SPTAN1: variants seen among roughly 807,000 people sequenced by gnomAD.
SPTAN1 encodes the protein spectrin alpha chain, non-erythrocytic 1.
SPTAN1 carries 61 observed loss-of-function variants against 331.3 expected under a neutral mutation model. The ratio of observed to expected loss-of-function variants is 0.18; its 90% CI spans 0.15 to 0.23. SPTAN1 has a LOEUF of 0.23. SPTAN1 is among the 10% of genes least tolerant of loss of function. SPTAN1 has a pLI of 1.00. For synonymous variants in SPTAN1, 1,153 were observed against 1,173.9 expected, an observed-to-expected ratio of 0.98 and a Z score of 0.36; for missense variants, 2,043 against 3,147.9, an observed-to-expected ratio of 0.65 and a Z score of 8.40.
intron 12 of SPTAN1, 30 bp downstream of exon 12, chr9:128,581,922 A>G (rs1424508157): frequency 1.4e-6 from 2 of 1,480,476 alleles, no homozygotes; most frequent in Non-Finnish European, 1.9e-6. Flanking sequence ...GTGCTTTCAA[A>G]TGACCCTTAT....
At chr9:128,631,250 G>C (rs1199635516) in intron 52 of SPTAN1, among the ~76,000 whole-genome samples, 1 of 149,606 alleles carries the variant, frequency 6.7e-6, no homozygotes, top group Non-Finnish European at 1.5e-5. Flanking sequence ...TTGAAGTCAG[G>C]AGTTCGAGAC....
intron 28 of SPTAN1, 55 bp downstream of exon 28, chr9:128,603,645 C>A: frequency 6.3e-7 from 1 of 1,594,424 alleles, no homozygotes; most frequent in Non-Finnish European, 8.6e-7. Flanking sequence ...CACTATCTTC[C>A]TTCCCTGTCT....
rs374405583 is a variant in SPTAN1, at chr9:128,633,238, C to T, written c.7338C>T (p.Cys2446=). The T allele has an allele frequency of 4.7e-5, 76 of 1,613,922 alleles. No individual in the cohort carries two copies. The South Asian group carries it at 6.8e-4, about 14-fold the overall frequency. Residue 2446 remains cysteine, a synonymous_variant, in exon 57 of 57, where the codon TGC becomes TGT. Transcript: ENST00000372739. ...TGACCCGGGAACAAGCCGACTACTG[C>T]GTCTCCCACATGAAGCCCTACGTGG... ...QNLTREQADY[C]VSHMKPYVDG...
chr9:128,570,862 T>C (rs1043614697), intron 3 of SPTAN1, among the ~76,000 whole-genome samples: 2 of 152,142 alleles, frequency 1.3e-5, no homozygotes, highest in Non-Finnish European at 2.9e-5. Flanking sequence ...GGTTTCTCCA[T>C]GTTAGTCAAG....
chr9:128,585,975 C>T lies in SPTAN1; in HGVS notation c.2778+10C>T, dbSNP rs369106919. 1.8e-5 allele frequency: 29 copies of T among 1,611,642 alleles called. No individual in the cohort carries two copies. The highest frequency in any genetic ancestry group is 1.1e-4 in the African/African-American group (8 of 74,822). On this transcript the variant is annotated intron_variant, in intron 19 of 56. Coordinates refer to ENST00000372739, the MANE Select transcript of SPTAN1 (RefSeq NM_001130438.3). ...CGAAGACTCTGCTGAGGTAACCAGG[C>T]GTGGGAAGCGTCTCACCTGCCAGGG...
At position 128,630,303 on chromosome 9, in the gene SPTAN1, C is replaced by T; in HGVS notation, c.6708-18C>T. On this transcript the variant is annotated intron_variant, in intron 51 of 56. Coordinates refer to ENST00000372739, the MANE Select transcript of SPTAN1 (RefSeq NM_001130438.3). The stretch of plus-strand genomic sequence containing the variant: ...AGCTGGGAGCAGGCCCCTTTCCTCA[C>T]TGTCCTTCCACGTTTAGGTCCTGTA... 6.2e-7 allele frequency: 1 copy of T among 1,613,924 alleles called. No individual in the cohort carries two copies.
At chr9:128,605,592 C>T (rs901414696) in intron 31 of SPTAN1, 115 bp downstream of exon 31, 2 of 1,381,360 alleles carry the variant, frequency 1.4e-6, no homozygotes, top group Non-Finnish European at 2.0e-6. Context: ...ACCTATAATC[C>T]AAGCACTTTG....
chr9:128,608,857 C>A lies in SPTAN1; in HGVS notation c.4492-17C>A, dbSNP rs753523782. On this transcript the variant is annotated splice_polypyrimidine_tract_variant and intron_variant, in intron 34 of 56. Coordinates refer to ENST00000372739, the MANE Select transcript of SPTAN1 (RefSeq NM_001130438.3). ...GCCACAGGCCCACCTTGATCTCATG[C>A]CTTTGTTTTCTGACAGGAAGAGAAG... The A allele has an allele frequency of 6.2e-7, 1 of 1,612,914 alleles. No homozygotes were observed. The highest frequency in any genetic ancestry group is 8.5e-7 in the Non-Finnish European group (1 of 1,179,640).
chr9:128,574,897 G>A (rs1851130165), intron 4 of SPTAN1, 82 bp downstream of exon 4: 24 of 1,597,718 alleles, frequency 1.5e-5, no homozygotes, highest in Non-Finnish European at 2.0e-5. Flanking sequence ...GTGAGACCCA[G>A]TGTTAGCACA....
At chr9:128,566,121 A>G (rs888084514) in intron 1 of SPTAN1, among the ~76,000 whole-genome samples, 6 of 152,274 alleles carry the variant, frequency 3.9e-5, no homozygotes, top group African/African-American at 1.2e-4. Flanking sequence ...CAGTGGTGCA[A>G]TGATGGCTCA....
intron 41 of SPTAN1, 106 bp from the exon 42 acceptor site, chr9:128,617,534 C>T: frequency 1.9e-6 from 3 of 1,558,104 alleles, no homozygotes; most frequent in Admixed American, 3.4e-5. Context: ...AGGATTTTCC[C>T]AGAAAGATTA....
chr9:128,553,609 T>A (rs1371368512), intron 1 of SPTAN1, among the ~76,000 whole-genome samples: 2 of 152,224 alleles, frequency 1.3e-5, no homozygotes, highest in Non-Finnish European at 2.9e-5. Flanking sequence ...AAAATATATT[T>A]TAAATAAGCG....
Position 128,633,499 on chromosome 9 carries a change from C to A in SPTAN1, c.*165C>A, listed in dbSNP as rs1049798730. On this transcript the variant is annotated 3_prime_UTR_variant, in exon 57 of 57. Transcript: ENST00000372739. ...CACTAACCCGCTTCCGGTCCAGTCA[C>A]AATCATCATGTCACTGTGGGGACCC... is the stretch of plus-strand genomic sequence containing the variant. 1 of 1,243,276 alleles carries A rather than the reference C, an allele frequency of 8.0e-7. No homozygotes were observed. Among genetic ancestry groups the A allele is most frequent in the South Asian group, 1.3e-5 (1 of 79,418 alleles). The allele number at this position is 1,243,276 out of a possible 1,614,324, so 77.0% of individuals were successfully genotyped here.
rs1292023751 is a variant in SPTAN1 at position 128,629,350 on chromosome 9, T to TG, written c.6708-965dup. ...CACCCAGCCTCCTGCCCCCAGGTCC[T>TG]GGGGGGCATTTTCCCCGGGGGGACA... On this transcript the variant is annotated intron_variant, in intron 51 of 56. Coordinates refer to ENST00000372739, the MANE Select transcript of SPTAN1 (RefSeq NM_001130438.3). This position sits in a 1 kb window ranked among gnomAD's most constrained non-coding sequence, Gnocchi z 4.9. Among the ~76,000 whole-genome samples, 5 of 151,648 alleles carry TG rather than the reference T, an allele frequency of 3.3e-5. No individual in the cohort carries two copies. Among genetic ancestry groups the TG allele is most frequent in the East Asian group, 2.0e-4 (1 of 5,114 alleles).
chr9:128,575,409 G>T, intron 5 of SPTAN1, 64 bp downstream of exon 5: 1 of 1,581,934 alleles, frequency 6.3e-7, no homozygotes, highest in Non-Finnish European at 8.6e-7. Flanking sequence ...GTATATTCAG[G>T]ATAAAATTTT....
chr9:128,612,113 G>T lies in SPTAN1; in HGVS notation c.4910G>T (p.Arg1637Leu), dbSNP rs777707442. 6.2e-7 allele frequency: 1 copy of T among 1,614,032 alleles called. No homozygotes were observed. Among genetic ancestry groups the T allele is most frequent in the South Asian group, 1.1e-5 (1 of 91,090 alleles). The stretch of plus-strand genomic sequence containing the variant: ...TGGCTCCCTTCTGTTCCCCAGGCCC[G>T]CCTGGCTGCCTTAGCTGACCAGTGG... ...CAGSEDAVKA[R>L]LAALADQWQF... The change falls in exon 39 of 57, where the codon CGC becomes CTC. Residue 1637 changes from arginine to leucine, a missense_variant. Coordinates refer to ENST00000372739, the MANE Select transcript of SPTAN1 (RefSeq NM_001130438.3).
chr9:128,568,993 C>T, intron 3 of SPTAN1, 96 bp downstream of exon 3: 1 of 1,530,938 alleles, frequency 6.5e-7, no homozygotes, highest in Non-Finnish European at 9.0e-7. Flanking sequence ...AAAAGATAGA[C>T]TTTTCCAGCT....
At chr9:128,607,515 C>G (rs1315078182) in intron 31 of SPTAN1, 89 bp from the exon 32 acceptor site, 13 of 1,178,968 alleles carry the variant, frequency 1.1e-5, no homozygotes, top group Non-Finnish European at 1.5e-5. Context: ...CTTTCTGAGG[C>G]AAGAATTATG....
intron 15 of SPTAN1, 112 bp downstream of exon 15, chr9:128,583,393 T>C: frequency 9.1e-7 from 1 of 1,098,206 alleles, no homozygotes; most frequent in Non-Finnish European, 1.4e-6. Flanking sequence ...TGGATGACTT[T>C]GGCGTTAGGG....
Sources: allele counts gnomAD v4.1 joint callset (sites outside exome capture counted in the v4.1 genomes callset), GRCh38; gene constraint gnomAD v4.1.1; non-coding constraint Gnocchi (gnomAD v3.1); transcripts MANE v1.5; gene names NCBI Gene and HGNC (gene_info 2026-07-23, HGNC 2026-07-21).